The following GARIN1A variants were observed in gnomAD, a reference collection of about 807,000 sequenced individuals.
GARIN1A encodes the protein Golgi-associated RAB2 interactor protein 1A.
the GARIN1A span, chr7:128,697,297 A>G: frequency 6.6e-6 from 1 of 152,356 alleles, no homozygotes; most frequent in Admixed American, 6.5e-5. Flanking sequence ...CCAAGTAACC[A>G]GAGACTGCTG....
the GARIN1A span, among the ~76,000 whole-genome samples, chr7:128,688,131 C>A: frequency 6.6e-6 from 1 of 152,086 alleles, no homozygotes; most frequent in Admixed American, 6.6e-5. Flanking sequence ...CCTGCCTTAG[C>A]CTCCCGAGTA....
At chr7:128,679,946 A>G in the GARIN1A span, 1 of 712,000 alleles carries the variant, frequency 1.4e-6, no homozygotes, top group Non-Finnish European at 2.3e-6. Flanking sequence ...CTGTAATATC[A>G]CAAACCCCTT....
the GARIN1A span, among the ~76,000 whole-genome samples, chr7:128,703,906 C>G: frequency 6.6e-6 from 1 of 152,236 alleles, no homozygotes; most frequent in South Asian, 2.1e-4. Flanking sequence ...CGAGAGGTGA[C>G]TCGACGTTGG....
the GARIN1A span, chr7:128,675,504 A>G: frequency 2.1e-5 from 13 of 632,030 alleles, no homozygotes; most frequent in Middle Eastern, 2.7e-4. Flanking sequence ...CCTGCAGCCA[A>G]TGACCTTAAA....
At chr7:128,708,857 A>C in the GARIN1A span, among the ~76,000 whole-genome samples, 1 of 152,240 alleles carries the variant, frequency 6.6e-6, no homozygotes, top group Non-Finnish European at 1.5e-5. Context: ...CTAATTGTCC[A>C]TCAATATCCC....
chr7:128,705,002 A>G, the GARIN1A span, among the ~76,000 whole-genome samples: 1 of 152,218 alleles, frequency 6.6e-6, no homozygotes, highest in Non-Finnish European at 1.5e-5. Flanking sequence ...AAAATAGGTC[A>G]ATGGAATCCT....
the GARIN1A span, among the ~76,000 whole-genome samples, chr7:128,676,480 C>T: frequency 8.6e-5 from 13 of 151,382 alleles, no homozygotes; most frequent in African/African-American, 2.9e-4. Flanking sequence ...TATATAGACA[C>T]GTTTCCATGT....
the GARIN1A span, among the ~76,000 whole-genome samples, chr7:128,706,982 CTG>C: frequency 1.3e-5 from 2 of 151,652 alleles, no homozygotes; most frequent in African/African-American, 4.8e-5. Context: ...AGGGGCCTGT[CTG>C]TAGCCTTTGT....
chr7:128,704,601 A>AGCCT, the GARIN1A span, among the ~76,000 whole-genome samples: 1 of 152,168 alleles, frequency 6.6e-6, no homozygotes, highest in Non-Finnish European at 1.5e-5. Flanking sequence ...CACCGCTTCC[A>AGCCT]GCCTAGAGTC....
the GARIN1A span, among the ~76,000 whole-genome samples, chr7:128,706,492 T>G: frequency 6.6e-6 from 1 of 151,940 alleles, no homozygotes; most frequent in African/African-American, 2.4e-5. Flanking sequence ...TCCATCTCTC[T>G]CTCTCTCTAT....
At chr7:128,676,987 AC>A in the GARIN1A span, among the ~76,000 whole-genome samples, 1 of 151,784 alleles carries the variant, frequency 6.6e-6, no homozygotes, top group Non-Finnish European at 1.5e-5. Flanking sequence ...AACCTGGGCA[AC>A]ATAGGGAGAT....
At chr7:128,699,266 C>CA in the GARIN1A span, among the ~76,000 whole-genome samples, 3 of 141,050 alleles carry the variant, frequency 2.1e-5, no homozygotes, top group Non-Finnish European at 3.2e-5. Flanking sequence ...TGCTGCCCCC[C>CA]CCCCCCCACC....
chr7:128,676,465 GTGTA>G, the GARIN1A span, among the ~76,000 whole-genome samples: 40,858 of 145,050 alleles, frequency 0.28, 5,834 homozygotes, highest in East Asian at 0.54. Flanking sequence ...ATGTGTGTGT[GTGTA>G]TATATAGACA....
the GARIN1A span, among the ~76,000 whole-genome samples, chr7:128,697,100 A>C: frequency 6.6e-6 from 1 of 152,134 alleles, no homozygotes; most frequent in Admixed American, 6.5e-5. Context: ...TAGGACAGTA[A>C]AACCTATTTA....
chr7:128,675,140 A>G, the GARIN1A span, among the ~76,000 whole-genome samples: 1 of 152,072 alleles, frequency 6.6e-6, no homozygotes, highest in Admixed American at 6.6e-5. Context: ...CTGTCCTGTG[A>G]TGGCCGCCTT....
At chr7:128,677,878 TG>T in the GARIN1A span, 4 of 543,930 alleles carry the variant, frequency 7.4e-6, no homozygotes, top group South Asian at 1.9e-4. Context: ...TGTAAGTGTC[TG>T]TGTATATATA....
At chr7:128,706,805 GCTCAC>G in the GARIN1A span, among the ~76,000 whole-genome samples, 2 of 152,134 alleles carry the variant, frequency 1.3e-5, no homozygotes, top group Admixed American at 6.5e-5. Flanking sequence ...AGCCTGGTGG[GCTCAC>G]CTCTGTCTCC....
the GARIN1A span, chr7:128,693,928 T>C: frequency 6.5e-6 from 1 of 153,374 alleles, no homozygotes; most frequent in African/African-American, 2.4e-5. Context: ...TCTGGAAGCC[T>C]AGCTGGTCTC....
chr7:128,678,020 T>C, the GARIN1A span: 58 of 182,592 alleles, frequency 3.2e-4, no homozygotes, highest in African/African-American at 1.3e-3. Flanking sequence ...TGTTTCTTTT[T>C]TTTTTTTTTT....
Sources: gnomAD v4.1 joint callset for allele counts (sites outside exome capture counted in the v4.1 genomes callset) on GRCh38, gnomAD v4.1.1 for gene constraint, MANE v1.5 for transcripts, NCBI Gene and HGNC (gene_info 2026-07-23, HGNC 2026-07-21) for gene names.